TAF1A: variants seen among roughly 807,000 people sequenced by gnomAD.
TAF1A encodes the protein TATA-box binding protein associated factor, RNA polymerase I subunit A, also known as TATA box-binding protein-associated factor RNA polymerase I subunit A.
In TAF1A, 42 loss-of-function variants were observed where a neutral mutation model predicts 61.6. The ratio of observed to expected loss-of-function variants is 0.68; its 90% confidence interval spans 0.53 to 0.88. TAF1A has a LOEUF of 0.88. Among genes scored for constraint, TAF1A ranks in the 40% least tolerant of loss-of-function variants. TAF1A has a pLI of 0.00. For missense variants in TAF1A, 424 were observed against 518.7 expected (o/e 0.82, Z 1.77); for synonymous variants, 179 against 177.7 (o/e 1.01, Z -0.06).
Position 222,588,559 on chromosome 1 carries a change from C to G in TAF1A, c.5G>C (p.Ser2Thr), listed in dbSNP as rs1488691039. 6.2e-7 allele frequency: 1 copy of G among 1,613,398 alleles called. No individual in the cohort carries two copies. Among genetic ancestry groups the G allele is most frequent in the South Asian group, 1.1e-5 (1 of 90,882 alleles). Residue 2 changes from serine to threonine, a missense_variant, in exon 2 of 11, where the codon AGT becomes ACT. By Grantham distance (58) the Ser-to-Thr change is moderately conservative (BLOSUM62 1). Coordinates refer to ENST00000352967, the MANE Select transcript of TAF1A (RefSeq NM_005681.4). MSDFSEELKGPV... is the reference protein window; with the variant it reads MTDFSEELKGPV... ...CCCTTTTAATTCTTCACTGAAATCACTCATACCTATTACAAGATGAGATAT... is the reference window on the plus strand; with the variant it reads ...CCCTTTTAATTCTTCACTGAAATCAGTCATACCTATTACAAGATGAGATAT...
intron 5 of TAF1A, among the ~76,000 whole-genome samples, chr1:222,576,311 A>T (rs1181342415): frequency 1.3e-5 from 2 of 152,202 alleles, no homozygotes; most frequent in African/African-American, 4.8e-5. Flanking sequence ...AGAAGAGGGA[A>T]GGGAATCGAA....
intron 4 of TAF1A, among the ~76,000 whole-genome samples, chr1:222,579,529 A>G (rs1660701448): frequency 6.6e-6 from 1 of 152,232 alleles, no homozygotes; most frequent in Non-Finnish European, 1.5e-5. Flanking sequence ...TTTGGCAGCC[A>G]GAAGAAATAT....
chr1:222,584,063 T>C, intron 3 of TAF1A, 65 bp downstream of exon 3: 1 of 1,543,482 alleles, frequency 6.5e-7, no homozygotes, highest in Non-Finnish European at 8.7e-7. Context: ...CTACTGTAGG[T>C]GAAGCTGTAG....
intron 9 of TAF1A, 27 bp from the exon 10 acceptor site, chr1:222,561,545 G>A: frequency 6.4e-7 from 1 of 1,572,146 alleles, no homozygotes; most frequent in Non-Finnish European, 8.6e-7. Flanking sequence ...TCAAAAGAGA[G>A]GGTCAATGAT....
At chr1:222,569,753 G>T in intron 6 of TAF1A, 85 bp from the exon 7 acceptor site, 8 of 1,242,642 alleles carry the variant, frequency 6.4e-6, no homozygotes, top group South Asian at 1.8e-5. Context: ...TTTACTGATG[G>T]GTATTTTTTA....
rs561810911 is a variant in TAF1A at position 222,578,737 on chromosome 1, T to G, written c.405+1022A>C. On this transcript the variant is annotated intron_variant, in intron 4 of 10. Coordinates refer to ENST00000352967, the MANE Select transcript of TAF1A (RefSeq NM_005681.4). ...ATCTTCTCACCATTTGTTACATTTC[T>G]ACTATGGTACCCATAACACTTCATT... Among the ~76,000 whole-genome samples the G allele has an allele frequency of 2.0e-5, 3 of 152,360 alleles. No homozygotes were observed. In the South Asian group the frequency reaches 6.2e-4, roughly 32 times the overall value.
At chr1:222,566,023 T>C (rs538768889) in intron 7 of TAF1A, among the ~76,000 whole-genome samples, 14 of 152,374 alleles carry the variant, frequency 9.2e-5, no homozygotes, top group African/African-American at 2.6e-4. Context: ...TAAGAACTTT[T>C]CTCTATCATT....
In TAF1A at chr1:222,579,777, G is replaced by A. The variant is rs1438915794; in HGVS notation, c.387C>T (p.Gly129=). The A allele has an allele frequency of 5.0e-6, 8 of 1,609,644 alleles. No homozygotes were observed. Among genetic ancestry groups the A allele is most frequent in the East Asian group, 2.2e-5 (1 of 44,674 alleles). The change falls in exon 4 of 11, where the codon GGC becomes GGT. Residue 129 remains glycine (G), a synonymous_variant. Transcript: ENST00000352967. ...NTFANRMKNI[G]VMNYLKISLQ... ...TTCTCACCTTTAAATAATTCATGACGCCAATATTTTTCATCCGGTTAGCAA... is the reference window on the plus strand; with the variant it reads ...TTCTCACCTTTAAATAATTCATGACACCAATATTTTTCATCCGGTTAGCAA...
chr1:222,564,944 A>G (rs1195177250), intron 7 of TAF1A, among the ~76,000 whole-genome samples: 4 of 152,206 alleles, frequency 2.6e-5, no homozygotes, highest in Non-Finnish European at 5.9e-5. Flanking sequence ...CATTTGTCTC[A>G]TGATTTTATA....
chr1:222,572,080 G>A (rs1488914693), intron 5 of TAF1A, among the ~76,000 whole-genome samples: 2 of 152,030 alleles, frequency 1.3e-5, no homozygotes, highest in African/African-American at 2.4e-5. Flanking sequence ...TTAGCTGGGC[G>A]TGGTGGCACA....
intron 6 of TAF1A, among the ~76,000 whole-genome samples, chr1:222,570,112 A>C (rs1341959650): frequency 6.6e-6 from 1 of 152,216 alleles, no homozygotes; most frequent in Non-Finnish European, 1.5e-5. Flanking sequence ...AGTGCCTAGC[A>C]CCAAGGCCCT....
At chr1:222,582,709 G>T (rs1026818242) in intron 3 of TAF1A, among the ~76,000 whole-genome samples, 5 of 152,246 alleles carry the variant, frequency 3.3e-5, no homozygotes, top group African/African-American at 7.2e-5. Context: ...TCTAACAACT[G>T]ATAAATGGAC....
intron 3 of TAF1A, among the ~76,000 whole-genome samples, chr1:222,583,125 C>T (rs1008961895): frequency 7.9e-5 from 12 of 152,140 alleles, no homozygotes; most frequent in Admixed American, 6.5e-4. Context: ...CTGGAGGTTG[C>T]AGTGAGCAGA....
chr1:222,582,163 G>C (rs1022481822), intron 3 of TAF1A, among the ~76,000 whole-genome samples: 1 of 152,146 alleles, frequency 6.6e-6, no homozygotes, highest in Non-Finnish European at 1.5e-5. Context: ...TCACATTTTT[G>C]AATTCGGAAT....
At chr1:222,560,213 CAAG>C (rs1198669515) in intron 10 of TAF1A, among the ~76,000 whole-genome samples, 3 of 152,102 alleles carry the variant, frequency 2.0e-5, no homozygotes, top group African/African-American at 7.2e-5. Flanking sequence ...GTAACCAGAG[CAAG>C]AAGAAAACCC....
At chr1:222,577,194 C>T (rs1251098918) in intron 5 of TAF1A, among the ~76,000 whole-genome samples, 1 of 150,386 alleles carries the variant, frequency 6.6e-6, no homozygotes, top group Non-Finnish European at 1.5e-5. Flanking sequence ...CTGTGTTTAT[C>T]CTGGACTAAA....
intron 4 of TAF1A, among the ~76,000 whole-genome samples, chr1:222,578,956 A>C (rs1660681172): frequency 6.6e-6 from 1 of 152,232 alleles, no homozygotes; most frequent in Non-Finnish European, 1.5e-5. Flanking sequence ...TCTATGAGCC[A>C]AAAGGGACCT....
intron 2 of TAF1A, among the ~76,000 whole-genome samples, chr1:222,586,599 T>A (rs1460890803): frequency 1.3e-5 from 2 of 152,184 alleles, no homozygotes; most frequent in African/African-American, 4.8e-5. Context: ...ACTAGTGTCA[T>A]CAACCTAACT....
At position 222,584,158 on chromosome 1, in the gene TAF1A, T is replaced by C. The variant is rs1216736153; in HGVS notation, c.261A>G (p.Ser87=). The change falls in exon 3 of 11, where the codon TCA becomes TCG. Residue 87 remains serine (S), a synonymous_variant. Coordinates refer to ENST00000352967, the MANE Select transcript of TAF1A (RefSeq NM_005681.4). ...MYSYFQTLED[S]DSYKRQAAPE... is the part of the protein sequence containing the mutation. ...GTGCAGCCTGCCTTTTGTAGCTATC[T>C]GAATCTTCCAAGGTCTGAAAATAAC... 5 of 1,610,336 alleles carry C rather than the reference T, an allele frequency of 3.1e-6. No homozygotes were observed. Among genetic ancestry groups the C allele is most frequent in the Non-Finnish European group, 4.2e-6 (5 of 1,179,008 alleles).
Sources: gnomAD v4.1 joint callset for allele counts (sites outside exome capture counted in the v4.1 genomes callset) on GRCh38, gnomAD v4.1.1 for gene constraint, MANE v1.5 for transcripts, NCBI Gene and HGNC (gene_info 2026-07-23, HGNC 2026-07-21) for gene names.